CSNK1E: variants seen among roughly 807,000 people sequenced by gnomAD.
CSNK1E encodes the protein casein kinase I isoform epsilon.
CSNK1E carries 17 observed loss-of-function variants against 46.1 expected under a neutral mutation model. That is an observed-to-expected ratio of 0.37 (90% CI 0.25 to 0.55). CSNK1E has a LOEUF of 0.55. CSNK1E is among the 20% of genes least tolerant of loss of function. The pLI is 0.82. For synonymous variants in CSNK1E, 241 were observed against 242.6 expected, an observed-to-expected ratio of 0.99 and a Z score of 0.06; for missense variants, 386 against 595.4, an observed-to-expected ratio of 0.65 and a Z score of 3.66.
At chr22:38,311,808 CTT>C (rs71296618) in intron 2 of CSNK1E, among the ~76,000 whole-genome samples, 119 of 140,134 alleles carry the variant, frequency 8.5e-4, no homozygotes, top group Admixed American at 9.4e-4. Flanking sequence ...TTCTTTCCTT[CTT>C]TTTTTTTTTT....
chr22:38,302,727 C>A, intron 4 of CSNK1E, 134 bp downstream of exon 4: 1 of 1,042,390 alleles, frequency 9.6e-7, no homozygotes, highest in East Asian at 2.4e-5. Flanking sequence ...TAAATAAACA[C>A]CTACAATTCT....
chr22:38,301,855 C>T (rs534013021), intron 4 of CSNK1E, among the ~76,000 whole-genome samples: 2 of 152,208 alleles, frequency 1.3e-5, no homozygotes, highest in East Asian at 1.9e-4. Flanking sequence ...GGGGCTCTGG[C>T]GACCCTCTGC....
intron 1 of CSNK1E, 133 bp from the exon 2 acceptor site, chr22:38,314,302 G>C (rs966309049): frequency 1.4e-5 from 9 of 666,328 alleles, no homozygotes; most frequent in African/African-American, 1.1e-4. Flanking sequence ...GCAGGTGTCA[G>C]GTGGCCCACA....
chr22:38,298,009 C>T lies in CSNK1E; in HGVS notation c.885+777G>A. 8.8e-7 allele frequency: 1 copy of T among 1,141,818 alleles called. No individual in the cohort carries two copies. Among genetic ancestry groups the T allele is most frequent in the Non-Finnish European group, 1.1e-6 (1 of 908,270 alleles). 70.7% of individuals were successfully genotyped at this position (1,141,818 alleles called of 1,614,324 possible). ...AGGGGAGCCGGGCACCTGAAAGGGA[C>T]AAAAAGCACAGCTGAGGCTCAGCCT... On this transcript the variant is annotated intron_variant, in intron 7 of 10. Transcript: ENST00000396832. The surrounding 1 kb of genome is among the most constrained non-coding windows in gnomAD (Gnocchi z 4.2).
At position 38,298,676 on chromosome 22, in the gene CSNK1E, T is replaced by A; in HGVS notation, c.885+110A>T. ...GAGGTCAACCACACTGTCCAGCTCG[T>A]ACCTCCCGTCTGTCGGGAGCCCCTC... On this transcript the variant is annotated intron_variant, in intron 7 of 10. Coordinates refer to ENST00000396832, the MANE Select transcript of CSNK1E (RefSeq NM_152221.3). The surrounding 1 kb of genome is among the most constrained non-coding windows in gnomAD (Gnocchi z 4.2). The A allele has an allele frequency of 2.3e-6, 3 of 1,288,286 alleles. No individual in the cohort carries two copies. Among genetic ancestry groups the A allele is most frequent in the Non-Finnish European group, 3.3e-6 (3 of 906,290 alleles). The allele number at this position is 1,288,286 out of a possible 1,614,324, so 79.8% of individuals were successfully genotyped here.
chr22:38,315,019 AG>A, intron 1 of CSNK1E, among the ~76,000 whole-genome samples: 1 of 152,268 alleles, frequency 6.6e-6, no homozygotes, highest in East Asian at 1.9e-4. Flanking sequence ...TGCAGTAAAC[AG>A]GGGGAGGGGT....
At chr22:38,316,555 A>G (rs2092747056) in intron 1 of CSNK1E, 1 of 152,170 alleles carries the variant, frequency 6.6e-6, no homozygotes, top group Non-Finnish European at 1.5e-5. Flanking sequence ...CAAGACATCA[A>G]TCTCTCACAC....
rs2092626301 is a variant in CSNK1E, at chr22:38,294,091, G to C, written c.1218+18C>G. ...CTCAGTTCTGAGGCCCAGAGGGACT[G>C]GCAGGGGGGCAGCTCACCTGTGAGG... On this transcript the variant is annotated intron_variant, in intron 9 of 10. Transcript: ENST00000396832. This position sits in a 1 kb window ranked among gnomAD's most constrained non-coding sequence, Gnocchi z 5.5. 1 of 1,605,904 alleles carries C rather than the reference G, an allele frequency of 6.2e-7. No homozygotes were observed. The highest frequency in any genetic ancestry group is 8.5e-7 in the Non-Finnish European group (1 of 1,178,690).
intron 1 of CSNK1E, among the ~76,000 whole-genome samples, chr22:38,316,128 G>A (rs1224787997): frequency 1.3e-5 from 2 of 151,542 alleles, no homozygotes; most frequent in Non-Finnish European, 2.9e-5. Flanking sequence ...AACAAAGTGG[G>A]GGGAAAAGTG....
intron 9 of CSNK1E, 57 bp from the exon 10 acceptor site, chr22:38,293,376 A>G (rs1339442567): frequency 1.2e-5 from 14 of 1,124,176 alleles, no homozygotes; most frequent in African/African-American, 3.1e-5. Context: ...TACAAGCTTC[A>G]AGTCAAGTCC....
At chr22:38,296,905 GCTGGGATTA>G (rs2092643828) in intron 7 of CSNK1E, 1 of 620,040 alleles carries the variant, frequency 1.6e-6, no homozygotes. Flanking sequence ...CTCCCAAGCA[GCTGGGATTA>G]CAGGAACACA....
At chr22:38,299,249 G>A (rs1569077279) in intron 6 of CSNK1E, among the ~76,000 whole-genome samples, 2 of 152,288 alleles carry the variant, frequency 1.3e-5, no homozygotes, top group East Asian at 3.9e-4. Flanking sequence ...AGCACCCTGG[G>A]GCCCACAGAT....
chr22:38,298,560 C>A lies in CSNK1E; in HGVS notation c.885+226G>T. ...AGGTGAAGCCAGATCCTCCTTGTTC[C>A]GACGGGAGACAGCGCCCTGCCTGGG... On this transcript the variant is annotated intron_variant, in intron 7 of 10. Transcript: ENST00000396832. This position sits in a 1 kb window ranked among gnomAD's most constrained non-coding sequence, Gnocchi z 4.2. The A allele has an allele frequency of 3.6e-6, 2 of 549,344 alleles. No individual in the cohort carries two copies. Among genetic ancestry groups the A allele is most frequent in the Non-Finnish European group, 6.5e-6 (2 of 308,916 alleles). The allele number at this position is 549,344 out of a possible 1,614,324, so 34.0% of individuals were successfully genotyped here.
In CSNK1E at chr22:38,304,566, G is replaced by C. The variant is rs1423797259; in HGVS notation, c.77-1318C>G. Among the ~76,000 whole-genome samples, 40 of 152,174 alleles carry C rather than the reference G, an allele frequency of 2.6e-4. 1 individual carries two copies. Among genetic ancestry groups the C allele is most frequent in the Admixed American group, 2.6e-3 (40 of 15,276 alleles). ...ATGGACACAGGAGCAAACAGCCCAA[G>C]TGCTCAGCAGCAGAAGAACAGGAAC... is the stretch of plus-strand genomic sequence containing the variant. On this transcript the variant is annotated intron_variant, in intron 2 of 10. Transcript: ENST00000396832.
At chr22:38,302,245 C>A (rs1479722702) in intron 4 of CSNK1E, among the ~76,000 whole-genome samples, 1 of 45,420 alleles carries the variant, frequency 2.2e-5, no homozygotes. Flanking sequence ...GCCTGTGATC[C>A]CGTGTTAATT....
chr22:38,299,628 A>G (rs1368842005), intron 6 of CSNK1E, among the ~76,000 whole-genome samples: 1 of 152,214 alleles, frequency 6.6e-6, no homozygotes, highest in Admixed American at 6.5e-5. Context: ...GGTTCAAGCA[A>G]TTCTCCTGCC....
intron 9 of CSNK1E, chr22:38,293,868 C>T: frequency 1.8e-6 from 1 of 551,832 alleles, no homozygotes; most frequent in Non-Finnish European, 3.2e-6. Context: ...GGACTGGAGC[C>T]CAGCTGTGCC....
chr22:38,294,524 CG>C lies in CSNK1E; in HGVS notation c.895del (p.Arg299GlyfsTer78). 1 of 1,590,224 alleles carries C rather than the reference CG, an allele frequency of 6.3e-7. No individual in the cohort carries two copies. The highest frequency in any genetic ancestry group is 8.6e-7 in the Non-Finnish European group (1 of 1,169,536). On this transcript the variant is annotated frameshift_variant, in exon 8 of 11. Transcript: ENST00000396832. LOFTEE classifies it high-confidence loss of function. This position sits in a 1 kb window ranked among gnomAD's most constrained non-coding sequence, Gnocchi z 5.5. ...CTCCCGGTCCACATCCTCGGGATTCCGGGCTGCACCCTGCAGGGATGCAAGA... is the reference window on the plus strand; with the variant it reads ...CTCCCGGTCCACATCCTCGGGATTCCGGCTGCACCCTGCAGGGATGCAAGA... The part of the protein sequence containing the change: ...DWNMLKFGAA[R>X]NPEDVDRERR...
In CSNK1E at chr22:38,303,901, A is replaced by G. The variant is rs2092686731; in HGVS notation, c.77-653T>C. 2.6e-5 allele frequency among the ~76,000 whole-genome samples: 4 copies of G among 152,270 alleles called. No homozygotes were observed. The Middle Eastern group carries it at 0.01, about 388-fold the overall frequency. On this transcript the variant is annotated intron_variant, in intron 2 of 10. Coordinates refer to ENST00000396832, the MANE Select transcript of CSNK1E (RefSeq NM_152221.3). The surrounding 1 kb of genome is among the most constrained non-coding windows in gnomAD (Gnocchi z 4.7). ...AACCCCGGCTCTGCTGGCCTCCAGC[A>G]TAGGTCAGAGGTCCTGCCTGCACCT...
Sources: gnomAD v4.1 joint callset for allele counts (sites outside exome capture counted in the v4.1 genomes callset) on GRCh38, gnomAD v4.1.1 for gene constraint, Gnocchi (gnomAD v3.1) non-coding constraint, MANE v1.5 for transcripts, NCBI Gene and HGNC (gene_info 2026-07-23, HGNC 2026-07-21) for gene names.